The following SYT2 variants were observed in gnomAD, a reference collection of about 807,000 sequenced individuals.
SYT2 encodes the protein synaptotagmin 2, also known as synaptotagmin-2.
In SYT2, 15 loss-of-function variants were observed where a neutral mutation model predicts 39.9. That is an observed-to-expected ratio of 0.38 (90% CI 0.25 to 0.58). SYT2 has a LOEUF of 0.58. Ranked by LOEUF, SYT2 falls within the 20% of genes least tolerant of loss-of-function variation. SYT2 has a pLI of 0.70. For missense variants in SYT2, 389 were observed against 530.3 expected, an observed-to-expected ratio of 0.73 and a Z score of 2.62; for synonymous variants, 181 against 204.5, an observed-to-expected ratio of 0.89 and a Z score of 0.98.
chr1:202,646,856 G>A (rs561420561), intron 1 of SYT2, among the ~76,000 whole-genome samples: 124 of 152,020 alleles, frequency 8.2e-4, no homozygotes, highest in African/African-American at 2.6e-3. Flanking sequence ...TCTCTCCTCC[G>A]CAGCCCCACC....
chr1:202,624,772 TG>T (rs1691321732), intron 1 of SYT2, among the ~76,000 whole-genome samples: 3 of 137,754 alleles, frequency 2.2e-5, no homozygotes, highest in African/African-American at 5.7e-5. Context: ...GTGTGGTGTG[TG>T]GTGTGTGTGT....
chr1:202,625,239 G>GGT lies in SYT2; in HGVS notation c.-17-19452_-17-19451dup, dbSNP rs148240665. ...TTTGTGGTGTGTGCTGTGTCTGTGTGGTGTGTGTGTGGTGTGTGTGGCATG... is the reference window on the plus strand; with the variant it reads ...TTTGTGGTGTGTGCTGTGTCTGTGTGGTGTGTGTGTGTGGTGTGTGTGGCATG... On this transcript the variant is annotated intron_variant, in intron 1 of 8. Transcript: ENST00000367268. 3.3e-5 allele frequency among the ~76,000 whole-genome samples: 4 copies of GGT among 121,012 alleles called. No homozygotes were observed. The East Asian group carries it at 1.0e-3, about 31-fold the overall frequency. 79.4% of individuals were successfully genotyped at this position (121,012 alleles called of 152,430 possible). A position where few individuals can be genotyped will look rare whatever the true frequency, so the allele number is the denominator to read the frequency against.
Position 202,704,068 on chromosome 1 carries a change from C to T in SYT2, c.-18+6190G>A, listed in dbSNP as rs1368023712. Among the ~76,000 whole-genome samples the T allele has an allele frequency of 2.0e-5, 3 of 152,308 alleles. No individual in the cohort carries two copies. The East Asian group carries it at 5.8e-4, about 29-fold the overall frequency. On this transcript the variant is annotated intron_variant, in intron 1 of 8. Coordinates refer to ENST00000367268, the MANE Select transcript of SYT2 (RefSeq NM_177402.5). The stretch of plus-strand genomic sequence containing the variant: ...TGACTCCCCACCCAGCTGCTGTCCT[C>T]CCCTGGTCCCAGACTGTCCAGTGAT...
chr1:202,689,539 G>A (rs1055901431), intron 1 of SYT2, among the ~76,000 whole-genome samples: 7 of 152,094 alleles, frequency 4.6e-5, no homozygotes, highest in African/African-American at 7.2e-5. Flanking sequence ...GGAGGAGTCC[G>A]GCTCCACAAC....
chr1:202,705,253 G>A (rs909403394), intron 1 of SYT2, among the ~76,000 whole-genome samples: 6 of 152,366 alleles, frequency 3.9e-5, no homozygotes, highest in East Asian at 1.9e-4. Flanking sequence ...GCCTTTGCCC[G>A]TTCATTGTAA....
At chr1:202,658,733 T>C (rs1692325886) in intron 1 of SYT2, among the ~76,000 whole-genome samples, 1 of 151,750 alleles carries the variant, frequency 6.6e-6, no homozygotes, top group African/African-American at 2.4e-5. Context: ...CCAAATGCTT[T>C]AAAAAAGGAG....
At chr1:202,626,097 G>A (rs1314655753) in intron 1 of SYT2, among the ~76,000 whole-genome samples, 1 of 152,184 alleles carries the variant, frequency 6.6e-6, no homozygotes, top group Admixed American at 6.5e-5. Flanking sequence ...GGAAGGGAAC[G>A]CTGGGGGTCT....
At chr1:202,657,269 AC>A (rs1364053975) in intron 1 of SYT2, among the ~76,000 whole-genome samples, 2 of 152,176 alleles carry the variant, frequency 1.3e-5, no homozygotes, top group African/African-American at 4.8e-5. Context: ...CACGTTCACC[AC>A]GGTCTTTAGA....
rs142806431 is a variant in SYT2, at chr1:202,622,403, C to T, written c.-17-16614G>A. Among the ~76,000 whole-genome samples, 318 of 152,286 alleles carry T rather than the reference C, an allele frequency of 2.1e-3. 11 individuals carry two copies. In the East Asian group the frequency reaches 0.052, roughly 25 times the overall value. ...CCACTTTGGAGCGAGGTTGTCATTC[C>T]GCACACGTAGAAGCAGAGTCTGTTC... is the stretch of plus-strand genomic sequence containing the variant. On this transcript the variant is annotated intron_variant, in intron 1 of 8. Coordinates refer to ENST00000367268, the MANE Select transcript of SYT2 (RefSeq NM_177402.5).
chr1:202,668,564 C>T (rs1468423374), intron 1 of SYT2, among the ~76,000 whole-genome samples: 1 of 152,180 alleles, frequency 6.6e-6, no homozygotes. Flanking sequence ...ATAATGACAA[C>T]ATTCATTTAT....
chr1:202,622,525 C>T (rs1256926077), intron 1 of SYT2, among the ~76,000 whole-genome samples: 5 of 152,022 alleles, frequency 3.3e-5, no homozygotes, highest in Non-Finnish European at 7.3e-5. Context: ...CAGCAACACT[C>T]ATTTTCCTTC....
intron 1 of SYT2, chr1:202,627,475 C>T (rs1335500992): frequency 7.6e-5 from 75 of 985,228 alleles, no homozygotes; most frequent in Non-Finnish European, 8.8e-5. Flanking sequence ...TAGGTCAGAC[C>T]GTGACACCCA....
chr1:202,605,650 C>T lies in SYT2; in HGVS notation c.123G>A (p.Glu41=). 6.2e-7 allele frequency: 1 copy of T among 1,613,964 alleles called. No individual in the cohort carries two copies. The stretch of plus-strand genomic sequence containing the variant: ...TCTCCTTCAGTTTGGCAAACATGTC[C>T]TCCTGGCTCTCCCCAGCACCCCCAC... ...TESGGAGESQ[E]DMFAKLKEKL... is the part of the protein sequence containing the mutation. Residue 41 remains glutamate, a synonymous_variant, in exon 2 of 9, where the codon GAG becomes GAA. Coordinates refer to ENST00000367268, the MANE Select transcript of SYT2 (RefSeq NM_177402.5).
chr1:202,648,873 C>G (rs1692140062), intron 1 of SYT2, among the ~76,000 whole-genome samples: 1 of 152,208 alleles, frequency 6.6e-6, no homozygotes, highest in Non-Finnish European at 1.5e-5. Context: ...CCAGCTTGGG[C>G]AGAGTGGCTG....
intron 1 of SYT2, among the ~76,000 whole-genome samples, chr1:202,626,423 T>A (rs199692853): frequency 0.089 from 12,482 of 139,920 alleles, 410 homozygotes; most frequent in African/African-American, 0.16. Context: ...TTTTTTTTTT[T>A]TTTGAGACAG....
intron 1 of SYT2, among the ~76,000 whole-genome samples, chr1:202,621,603 CT>C (rs1197999537): frequency 2.4e-4 from 36 of 152,298 alleles, no homozygotes; most frequent in African/African-American, 8.2e-4. Context: ...GCATGAGCCA[CT>C]GCGCCCAGCC....
At chr1:202,685,887 GAC>G (rs1360999697) in intron 1 of SYT2, among the ~76,000 whole-genome samples, 1 of 152,042 alleles carries the variant, frequency 6.6e-6, no homozygotes, top group Non-Finnish European at 1.5e-5. Flanking sequence ...AGATCATCCG[GAC>G]ACAGTCTCAG....
intron 1 of SYT2, among the ~76,000 whole-genome samples, chr1:202,640,798 C>CAGAG (rs1558444021): frequency 2.0e-4 from 19 of 93,730 alleles, no homozygotes; most frequent in Non-Finnish European, 3.2e-4. Flanking sequence ...GAGAGACAGA[C>CAGAG]AGACAGAGAG....
At chr1:202,692,102 A>G (rs970817760) in intron 1 of SYT2, among the ~76,000 whole-genome samples, 1 of 152,028 alleles carries the variant, frequency 6.6e-6, no homozygotes, top group Non-Finnish European at 1.5e-5. Context: ...TTCCCACTGC[A>G]GCCCAGCTCT....
Sources: gnomAD v4.1 joint callset for allele counts (sites outside exome capture counted in the v4.1 genomes callset) on GRCh38, gnomAD v4.1.1 for gene constraint, MANE v1.5 for transcripts, NCBI Gene and HGNC (gene_info 2026-07-23, HGNC 2026-07-21) for gene names.